MACROD2: variants seen among roughly 807,000 people sequenced by gnomAD.
MACROD2 encodes the protein ADP-ribose glycohydrolase MACROD2.
Under a neutral mutation model 70.4 loss-of-function variants are expected in MACROD2, and 36 were observed. That is an observed-to-expected ratio of 0.51 (90% CI 0.39 to 0.68). MACROD2 has a LOEUF of 0.68. Among genes scored for constraint, MACROD2 ranks in the 30% least tolerant of loss-of-function variants. MACROD2 has a pLI of 0.00. For missense variants in MACROD2, 496 were observed against 538.4 expected (o/e 0.92, Z 0.78); for synonymous variants, 172 against 178.8 (o/e 0.96, Z 0.30).
In MACROD2 at chr20:14,623,436, C is replaced by T. The variant is rs766667977; in HGVS notation, c.302-61407C>T. Among the ~76,000 whole-genome samples the T allele has an allele frequency of 4.5e-4, 68 of 152,216 alleles. 1 individual carries two copies. In the Middle Eastern group the frequency reaches 0.01, roughly 23 times the overall value. On this transcript the variant is annotated intron_variant, in intron 4 of 17. Coordinates refer to ENST00000684519, the MANE Select transcript of MACROD2 (RefSeq NM_001351661.2). ...CTTGCTAATGATAGAGAATTTAACA[C>T]CCTGGCAAGGGCTTTGGGAGATGGT...
intron 5 of MACROD2, among the ~76,000 whole-genome samples, chr20:14,718,933 G>A (rs1217471198): frequency 3.9e-5 from 6 of 152,120 alleles, no homozygotes. Flanking sequence ...CATTTTATAA[G>A]TTAAAAATAC....
chr20:15,484,604 A>T (rs543821114), intron 7 of MACROD2, among the ~76,000 whole-genome samples: 4 of 152,202 alleles, frequency 2.6e-5, no homozygotes, highest in Non-Finnish European at 5.9e-5. Flanking sequence ...GGCAGGCCTT[A>T]TTATGACACA....
chr20:14,991,115 G>A (rs949095204), intron 5 of MACROD2, among the ~76,000 whole-genome samples: 5 of 151,956 alleles, frequency 3.3e-5, no homozygotes, highest in African/African-American at 1.2e-4. Context: ...TGTTCTTGAT[G>A]GCCTAGTAGG....
chr20:15,279,566 G>A (rs769918907), intron 6 of MACROD2, among the ~76,000 whole-genome samples: 2 of 152,158 alleles, frequency 1.3e-5, no homozygotes, highest in African/African-American at 2.4e-5. Context: ...AAGTTGGTGA[G>A]AAATTGATAC....
intron 6 of MACROD2, among the ~76,000 whole-genome samples, chr20:15,255,678 T>C (rs1401149628): frequency 6.6e-6 from 1 of 152,130 alleles, no homozygotes; most frequent in African/African-American, 2.4e-5. Context: ...GCTCTTTCAG[T>C]TGGGTCACAG....
chr20:14,631,740 C>G (rs1984526217), intron 4 of MACROD2: 1 of 152,214 alleles, frequency 6.6e-6, no homozygotes, highest in Non-Finnish European at 1.5e-5. Context: ...CGCCACTACA[C>G]TCCAGCCTGG....
intron 3 of MACROD2, among the ~76,000 whole-genome samples, chr20:14,257,535 G>A (rs1342263798): frequency 6.6e-6 from 1 of 151,928 alleles, no homozygotes; most frequent in Non-Finnish European, 1.5e-5. Context: ...TTTCACTATA[G>A]ATGAAATCTT....
chr20:14,424,014 A>C (rs901426274), intron 3 of MACROD2, among the ~76,000 whole-genome samples: 9 of 151,940 alleles, frequency 5.9e-5, no homozygotes, highest in Admixed American at 5.2e-4. Context: ...CGCCCGCCTC[A>C]GCCTCCCAGA....
intron 4 of MACROD2, among the ~76,000 whole-genome samples, chr20:14,520,681 T>A (rs2123175070): frequency 6.6e-6 from 1 of 152,310 alleles, no homozygotes; most frequent in East Asian, 1.9e-4. Flanking sequence ...TACCACCTAC[T>A]TTGTGTAAAC....
chr20:14,731,046 G>A (rs1429750138), intron 5 of MACROD2, among the ~76,000 whole-genome samples: 1 of 150,932 alleles, frequency 6.6e-6, no homozygotes, highest in East Asian at 1.9e-4. Flanking sequence ...CATTAATTTT[G>A]CATCAAAAAT....
intron 8 of MACROD2, among the ~76,000 whole-genome samples, chr20:15,715,878 GA>G (rs1045263577): frequency 2.0e-5 from 3 of 152,038 alleles, no homozygotes; most frequent in African/African-American, 7.2e-5. Context: ...TCATTTTACA[GA>G]TAAAAAGATT....
intron 15 of MACROD2, among the ~76,000 whole-genome samples, chr20:16,009,875 G>A (rs921155301): frequency 6.6e-6 from 1 of 152,164 alleles, no homozygotes; most frequent in Non-Finnish European, 1.5e-5. Context: ...CATCCCCAAA[G>A]GAGCCACATT....
chr20:15,178,710 G>T (rs149467721), intron 5 of MACROD2, among the ~76,000 whole-genome samples: 1,793 of 152,320 alleles, frequency 0.012, 23 homozygotes, highest in South Asian at 0.025. Context: ...TGAGGGGCAG[G>T]TTCAGAAGGG....
At chr20:15,359,852 A>G (rs1385630026) in intron 6 of MACROD2, among the ~76,000 whole-genome samples, 2 of 152,206 alleles carry the variant, frequency 1.3e-5, no homozygotes, top group Non-Finnish European at 2.9e-5. Flanking sequence ...TTCTTTACCA[A>G]AACTAGGAAA....
chr20:14,160,580 C>A (rs2055170817), intron 3 of MACROD2, among the ~76,000 whole-genome samples: 1 of 151,870 alleles, frequency 6.6e-6, no homozygotes, highest in African/African-American at 2.4e-5. Context: ...TCTCCTTTTT[C>A]ATTTCTGATT....
At chr20:14,392,093 C>A (rs1278996229) in intron 3 of MACROD2, among the ~76,000 whole-genome samples, 1 of 151,074 alleles carries the variant, frequency 6.6e-6, no homozygotes, top group East Asian at 1.9e-4. Flanking sequence ...TATTCTATTC[C>A]CATAGAATAC....
chr20:14,864,302 T>C (rs1430372734), intron 5 of MACROD2, among the ~76,000 whole-genome samples: 3 of 152,138 alleles, frequency 2.0e-5, no homozygotes, highest in African/African-American at 7.2e-5. Flanking sequence ...TTTTGTCTTT[T>C]ACCAAATAAT....
chr20:14,832,577 G>A (rs1025117901), intron 5 of MACROD2, among the ~76,000 whole-genome samples: 2 of 152,042 alleles, frequency 1.3e-5, no homozygotes, highest in Non-Finnish European at 2.9e-5. Context: ...CCTCTTTGGG[G>A]TGCCCCACTG....
chr20:15,237,158 T>C (rs2077020769), intron 6 of MACROD2, among the ~76,000 whole-genome samples: 1 of 152,218 alleles, frequency 6.6e-6, no homozygotes, highest in African/African-American at 2.4e-5. Flanking sequence ...AACCTGTTTA[T>C]AAACACCAAG....
Sources: allele counts gnomAD v4.1 joint callset (sites outside exome capture counted in the v4.1 genomes callset), GRCh38; gene constraint gnomAD v4.1.1; transcripts MANE v1.5; gene names NCBI Gene and HGNC (gene_info 2026-07-23, HGNC 2026-07-21).